Variants in USP43 observed in about 807,000 individuals in gnomAD.
USP43 encodes ubiquitin carboxyl-terminal hydrolase 43.
Under a neutral mutation model 90.7 loss-of-function variants are expected in USP43, and 33 were observed. The ratio of observed to expected loss-of-function variants is 0.36; its 90% CI spans 0.28 to 0.49. USP43 has a LOEUF of 0.49. USP43 is among the 20% of genes least tolerant of loss of function. The pLI, the probability that USP43 is intolerant of heterozygous loss-of-function variation, is 0.98. For missense variants in USP43, 1,274 were observed against 1,476.4 expected, an observed-to-expected ratio of 0.86 and a Z score of 2.25; for synonymous variants, 598 against 615.8, an observed-to-expected ratio of 0.97 and a Z score of 0.43.
chr17:9,715,961 CTG>C (rs1212968638), intron 14 of USP43, among the ~76,000 whole-genome samples: 1 of 144,984 alleles, frequency 6.9e-6, no homozygotes, highest in Non-Finnish European at 1.5e-5. Context: ...GTGTATGTAT[CTG>C]TGTATATGTG....
At chr17:9,702,736 T>G (rs546285258) in intron 12 of USP43, among the ~76,000 whole-genome samples, 193 of 152,216 alleles carry the variant, frequency 1.3e-3, no homozygotes, top group African/African-American at 4.4e-3. Context: ...GGCAATTGAG[T>G]GTCTCCACCG....
At chr17:9,657,825 A>G (rs1477102089) in intron 2 of USP43, among the ~76,000 whole-genome samples, 2 of 152,204 alleles carry the variant, frequency 1.3e-5, no homozygotes, top group Admixed American at 1.3e-4. Flanking sequence ...ATAATTTGAG[A>G]TGAGATTTGG....
At chr17:9,664,513 G>C (rs758157784) in intron 2 of USP43, among the ~76,000 whole-genome samples, 2 of 152,124 alleles carry the variant, frequency 1.3e-5, no homozygotes, top group Non-Finnish European at 2.9e-5. Flanking sequence ...TGTATCTATG[G>C]TATTCAAGTT....
chr17:9,682,349 C>A (rs1256777049), intron 6 of USP43, among the ~76,000 whole-genome samples: 1 of 152,190 alleles, frequency 6.6e-6, no homozygotes, highest in African/African-American at 2.4e-5. Context: ...AGGAGGATCA[C>A]TTGAGGTCAG....
intron 14 of USP43, among the ~76,000 whole-genome samples, chr17:9,715,843 G>A (rs538502408): frequency 2.0e-5 from 3 of 151,154 alleles, no homozygotes; most frequent in Admixed American, 1.3e-4. Flanking sequence ...GTATGTATCT[G>A]TGTATATGTG....
Position 9,680,278 on chromosome 17 carries a change from T to C in USP43, c.1017T>C (p.Phe339=). 1 of 1,613,972 alleles carries C rather than the reference T, an allele frequency of 6.2e-7. No individual in the cohort carries two copies. The highest frequency in any genetic ancestry group is 2.2e-5 in the East Asian group (1 of 44,880). The change falls in exon 6 of 15, where the codon TTT becomes TTC. Residue 339 remains phenylalanine, a synonymous_variant. Transcript: ENST00000285199. ...CCAGTGGATTCCAGCGGTCTTTCTTTGATGAAGAGGACCTGAATACCATCG... is the reference window on the plus strand; with the variant it reads ...CCAGTGGATTCCAGCGGTCTTTCTTCGATGAAGAGGACCTGAATACCATCG... ...LYPSGFQRSF[F]DEEDLNTIAE...
rs191369395 is a variant in USP43, at chr17:9,684,123, C to T, written c.1241+1165C>T. Reference sequence around the variant, plus strand: ...CTGCACTCCAGCCTGGGCGACAGATCGAGACTGTCTCAAAAAAAAATTAAT... The same window carrying T: ...CTGCACTCCAGCCTGGGCGACAGATTGAGACTGTCTCAAAAAAAAATTAAT... On this transcript the variant is annotated intron_variant, in intron 7 of 14. Coordinates refer to ENST00000285199, the MANE Select transcript of USP43 (RefSeq NM_153210.5). Among the ~76,000 whole-genome samples, 459 of 150,644 alleles carry T rather than the reference C, an allele frequency of 3.0e-3. 1 individual carries two copies. The highest frequency in any genetic ancestry group is 6.5e-3 in the South Asian group (31 of 4,756).
At chr17:9,650,751 G>C (rs886530432) in intron 1 of USP43, among the ~76,000 whole-genome samples, 14 of 151,990 alleles carry the variant, frequency 9.2e-5, no homozygotes, top group African/African-American at 2.4e-4. Context: ...CAATTTTCAG[G>C]TATATAATGT....
rs1911373521 is a variant in USP43 at position 9,646,082 on chromosome 17, G to C, written c.450G>C (p.Leu150=). 4 of 1,506,468 alleles carry C rather than the reference G, an allele frequency of 2.7e-6. No individual in the cohort carries two copies. Among genetic ancestry groups the C allele is most frequent in the Non-Finnish European group, 3.5e-6 (4 of 1,128,138 alleles). 93.3% of individuals were successfully genotyped at this position (1,506,468 alleles called of 1,614,324 possible). The change falls in exon 1 of 15, where the codon CTG becomes CTC. Residue 150 remains leucine (L), a synonymous_variant. Coordinates refer to ENST00000285199, the MANE Select transcript of USP43 (RefSeq NM_153210.5). The part of the protein sequence containing the change: ...RAEVTEQLAA[L]VRALWTREYT... ...AGGTCACCGAGCAGCTGGCGGCGCT[G>C]GTGCGCGCGCTCTGGACTCGCGAAT...
At chr17:9,693,374 G>C in intron 9 of USP43, 144 bp downstream of exon 9, 2 of 694,670 alleles carry the variant, frequency 2.9e-6, no homozygotes, top group Non-Finnish European at 4.9e-6. Flanking sequence ...GCTATGTTAG[G>C]TCATTGGGCA....
chr17:9,716,090 C>CTG (rs928092778), intron 14 of USP43, among the ~76,000 whole-genome samples: 64 of 141,830 alleles, frequency 4.5e-4, no homozygotes, highest in African/African-American at 1.6e-3. Flanking sequence ...GCCTGTATGT[C>CTG]TGTGTGTGTG....
Position 9,728,453 on chromosome 17 carries a change from T to C in USP43, c.2835T>C (p.Ala945=). 2 of 1,612,728 alleles carry C rather than the reference T, an allele frequency of 1.2e-6. No homozygotes were observed. The highest frequency in any genetic ancestry group is 1.7e-6 in the Non-Finnish European group (2 of 1,179,400). ...VMPSVEHEKP[A]RPEGQKAMNW... is the part of the protein sequence containing the mutation. ...CTTCAGTGGAGCATGAGAAACCAGC[T>C]CGACCGGAGGGCCAGAAGGCCATGA... is the stretch of plus-strand genomic sequence containing the variant. Residue 945 remains alanine (A), a synonymous_variant, in exon 15 of 15, where the codon GCT becomes GCC. Transcript: ENST00000285199. This position sits in a 1 kb window ranked among gnomAD's most constrained non-coding sequence, Gnocchi z 6.2.
At chr17:9,714,036 T>C (rs1358789699) in intron 14 of USP43, among the ~76,000 whole-genome samples, 1 of 152,172 alleles carries the variant, frequency 6.6e-6, no homozygotes, top group Admixed American at 6.5e-5. Flanking sequence ...ATAAGGAGCA[T>C]GCAACCTACA....
At chr17:9,712,608 G>A (rs1916270350) in intron 14 of USP43, among the ~76,000 whole-genome samples, 1 of 152,196 alleles carries the variant, frequency 6.6e-6, no homozygotes, top group Non-Finnish European at 1.5e-5. Flanking sequence ...TGAAGGCTGG[G>A]AGTGAGCATT....
At chr17:9,684,581 T>C (rs1914488354) in intron 7 of USP43, among the ~76,000 whole-genome samples, 1 of 151,576 alleles carries the variant, frequency 6.6e-6, no homozygotes, top group East Asian at 1.9e-4. Context: ...CTGACCAATA[T>C]GGAGAAACCC....
At chr17:9,649,809 C>T (rs2151960277) in intron 1 of USP43, among the ~76,000 whole-genome samples, 1 of 151,624 alleles carries the variant, frequency 6.6e-6, no homozygotes, top group East Asian at 1.9e-4. Flanking sequence ...TTTAGTTTTA[C>T]ATCCTGCTTT....
chr17:9,702,090 G>A (rs1252669947), intron 12 of USP43, among the ~76,000 whole-genome samples: 2 of 152,176 alleles, frequency 1.3e-5, no homozygotes, highest in Non-Finnish European at 2.9e-5. Flanking sequence ...GCCTGATGCA[G>A]TAGCTCATGC....
intron 5 of USP43, among the ~76,000 whole-genome samples, chr17:9,678,609 G>A (rs1373146549): frequency 1.3e-5 from 2 of 151,946 alleles, no homozygotes; most frequent in Non-Finnish European, 2.9e-5. Flanking sequence ...CAAAGTGTTG[G>A]GATTACAGGC....
intron 7 of USP43, among the ~76,000 whole-genome samples, chr17:9,684,359 G>A (rs1190512042): frequency 6.6e-6 from 1 of 152,060 alleles, no homozygotes; most frequent in Non-Finnish European, 1.5e-5. Flanking sequence ...AAGGATTTAT[G>A]TCCATCCTCG....
Sources: gnomAD v4.1 joint callset for allele counts (sites outside exome capture counted in the v4.1 genomes callset) on GRCh38, gnomAD v4.1.1 for gene constraint, Gnocchi (gnomAD v3.1) non-coding constraint, MANE v1.5 for transcripts, NCBI Gene and HGNC (gene_info 2026-07-23, HGNC 2026-07-21) for gene names.